The following FAT1 variants were observed in gnomAD, a reference collection of about 807,000 sequenced individuals.
FAT1 encodes the protein protocadherin Fat 1.
Under a neutral mutation model 329.8 loss-of-function variants are expected in FAT1, and 171 were observed. The ratio of observed to expected loss-of-function variants is 0.52; its 90% CI spans 0.46 to 0.59. The LOEUF is 0.59. Among genes scored for constraint, FAT1 ranks in the 20% least tolerant of loss-of-function variants. The pLI is 0.00. For synonymous variants in FAT1, 2,233 were observed against 2,228.6 expected (o/e 1.00, Z -0.06); for missense variants, 5,672 against 5,774.4 (o/e 0.98, Z 0.57).
chr4:186,623,402 C>T (rs1192869513), intron 9 of FAT1, among the ~76,000 whole-genome samples: 1 of 152,238 alleles, frequency 6.6e-6, no homozygotes, highest in Non-Finnish European at 1.5e-5. Context: ...TGACTGACTG[C>T]CTGGCCTGAC....
At chr4:186,645,945 C>CAAAAA (rs773581100) in intron 3 of FAT1, among the ~76,000 whole-genome samples, 3 of 58,222 alleles carry the variant, frequency 5.2e-5, no homozygotes, top group Admixed American at 2.0e-4. Flanking sequence ...GACTGTCTCA[C>CAAAAA]AAAAAAAAAA....
chr4:186,638,354 A>G (rs980996499), intron 4 of FAT1, among the ~76,000 whole-genome samples: 1 of 152,188 alleles, frequency 6.6e-6, no homozygotes, highest in Admixed American at 6.5e-5. Flanking sequence ...AAAGGACTGG[A>G]GCAAAATGTC....
intron 2 of FAT1, among the ~76,000 whole-genome samples, chr4:186,664,048 G>A (rs1223562635): frequency 2.0e-5 from 3 of 152,000 alleles, no homozygotes; most frequent in African/African-American, 7.3e-5. Flanking sequence ...AGGAAGACAG[G>A]GACAACACCA....
rs894960422 is a variant in FAT1 at position 186,599,461 on chromosome 4, G to C, written c.12103+437C>G. Among the ~76,000 whole-genome samples, 9 of 152,092 alleles carry C rather than the reference G, an allele frequency of 5.9e-5. No individual in the cohort carries two copies. The South Asian group carries it at 1.9e-3, about 32-fold the overall frequency. ...TGGCAACACTTCAGGAGGGATTCAGGGCCTTCTGGAAAATCATATTCCCAA... is the reference window on the plus strand; with the variant it reads ...TGGCAACACTTCAGGAGGGATTCAGCGCCTTCTGGAAAATCATATTCCCAA... On this transcript the variant is annotated intron_variant, in intron 22 of 26. Transcript: ENST00000441802.
intron 2 of FAT1, among the ~76,000 whole-genome samples, chr4:186,668,551 C>G (rs1742573962): frequency 6.6e-6 from 1 of 152,150 alleles, no homozygotes; most frequent in African/African-American, 2.4e-5. Context: ...TCATCACGAT[C>G]CAAACCATTC....
rs2126527787 is a variant in FAT1, at chr4:186,621,700, T to C, written c.4886A>G (p.Asn1629Ser). ...IKTAKELDRS[N>S]QAEYDLMVKA... ...TACCATTAAATCATACTCCGCTTGG[T>C]TACTTCGATCTAATTCTTTGGCAGT... Residue 1629 changes from asparagine to serine, a missense_variant, in exon 10 of 27, where the codon AAC (asparagine) becomes AGC (serine). By Grantham distance (46) the Asn-to-Ser change is conservative. Around this residue, in one of 2 missense-constraint regions of FAT1, gnomAD observed 3,966 missense variants for 3,915.2 expected, o/e 1.01. Coordinates refer to ENST00000441802, the MANE Select transcript of FAT1 (RefSeq NM_005245.4). 4 of 1,613,752 alleles carry C rather than the reference T, an allele frequency of 2.5e-6. No individual in the cohort carries two copies. Among genetic ancestry groups the C allele is most frequent in the Non-Finnish European group, 3.4e-6 (4 of 1,179,796 alleles).
intron 2 of FAT1, among the ~76,000 whole-genome samples, chr4:186,680,441 C>T (rs559796214): frequency 4.6e-5 from 7 of 152,268 alleles, no homozygotes; most frequent in African/African-American, 7.2e-5. Context: ...TAATTACACA[C>T]GACCGTTTCT....
At chr4:186,617,315 G>T in intron 10 of FAT1, 114 bp from the exon 11 acceptor site, 1 of 764,426 alleles carries the variant, frequency 1.3e-6, no homozygotes, top group Non-Finnish European at 1.9e-6. Context: ...AAAGAATTGA[G>T]TATTAAAAGA....
At chr4:186,604,081 G>C (rs1738973774) in intron 18 of FAT1, 104 bp from the exon 19 acceptor site, 14 of 853,208 alleles carry the variant, frequency 1.6e-5, no homozygotes, top group Non-Finnish European at 2.5e-5. Flanking sequence ...TTACTAACTG[G>C]TAGATACTCA....
chr4:186,704,104 CTACT>C (rs1744463224), intron 2 of FAT1, among the ~76,000 whole-genome samples: 1 of 152,206 alleles, frequency 6.6e-6, no homozygotes, highest in African/African-American at 2.4e-5. Context: ...CTACTGTACA[CTACT>C]TACTTTCTCT....
intron 2 of FAT1, among the ~76,000 whole-genome samples, chr4:186,675,472 A>C (rs1351234237): frequency 6.6e-6 from 1 of 152,120 alleles, no homozygotes; most frequent in Non-Finnish European, 1.5e-5. Flanking sequence ...AAAAGAAAGA[A>C]AAACCAGCCA....
intron 3 of FAT1, among the ~76,000 whole-genome samples, chr4:186,659,711 C>T (rs1215777618): frequency 6.6e-6 from 1 of 151,054 alleles, no homozygotes; most frequent in African/African-American, 2.4e-5. Flanking sequence ...CTGGGCGCTC[C>T]TGCACTCTAC....
At position 186,633,825 on chromosome 4, in the gene FAT1, TA is replaced by T; in HGVS notation, c.4184-3del. The stretch of plus-strand genomic sequence containing the variant: ...CGAAGTGACTGTCGTAGTTGCCACC[TA>T]ATTTGGGGAAAAAAAAGTAAAAACA... On this transcript the variant is annotated splice_polypyrimidine_tract_variant and splice_region_variant and intron_variant, in intron 6 of 26. Coordinates refer to ENST00000441802, the MANE Select transcript of FAT1 (RefSeq NM_005245.4). 3.1e-6 allele frequency: 5 copies of T among 1,613,954 alleles called. No individual in the cohort carries two copies. The highest frequency in any genetic ancestry group is 4.2e-6 in the Non-Finnish European group (5 of 1,179,864).
In FAT1 at chr4:186,628,295, C is replaced by A. The variant is rs2126542758; in HGVS notation, c.4669G>T (p.Asp1557Tyr). The A allele has an allele frequency of 1.2e-6, 2 of 1,613,622 alleles. No individual in the cohort carries two copies. Among genetic ancestry groups the A allele is most frequent in the South Asian group, 1.1e-5 (1 of 90,946 alleles). The change falls in exon 9 of 27, where the codon GAC becomes TAC. Residue 1557 changes from aspartate to tyrosine, a missense_variant. Physicochemically the swap from Asp to Tyr is radical, Grantham distance 160. This residue lies in a region of FAT1 where 3,966 missense variants were observed against 3,915.2 expected (regional missense o/e 1.01). Coordinates refer to ENST00000441802, the MANE Select transcript of FAT1 (RefSeq NM_005245.4). The stretch of plus-strand genomic sequence containing the variant: ...GAAGCGGTGAACCACGGGGCGTGGT[C>A]ATTCGTGTCGCTGACATTGACCACA... ...RIVVNVSDTN[D>Y]HAPWFTASSY...
At position 186,589,006 on chromosome 4, in the gene FAT1, T is replaced by G. The variant is rs759073897; in HGVS notation, c.13353A>C (p.Leu4451Phe). 3.1e-6 allele frequency: 5 copies of G among 1,613,942 alleles called. No homozygotes were observed. In the Admixed American group the frequency reaches 6.7e-5, roughly 22 times the overall value. The part of the protein sequence containing the change: ...DFPAADELPP[L>F]PPEFSNQFES... ...CAAACTGATTGCTGAATTCGGGCGGTAACGGTGGTAGCTCATCAGCTGCGG... is the reference window on the plus strand; with the variant it reads ...CAAACTGATTGCTGAATTCGGGCGGGAACGGTGGTAGCTCATCAGCTGCGG... Residue 4451 changes from leucine (L) to phenylalanine (F), a missense_variant, in exon 27 of 27, where the codon TTA (leucine) becomes TTC (phenylalanine). By Grantham distance (22) the Leu-to-Phe change is conservative. Around this residue, in one of 2 missense-constraint regions of FAT1, gnomAD observed 1,706 missense variants for 1,859.1 expected, o/e 0.92. Coordinates refer to ENST00000441802, the MANE Select transcript of FAT1 (RefSeq NM_005245.4).
intron 2 of FAT1, among the ~76,000 whole-genome samples, chr4:186,693,038 G>A (rs1388096652): frequency 6.6e-6 from 1 of 152,190 alleles, no homozygotes; most frequent in Non-Finnish European, 1.5e-5. Flanking sequence ...GGTATCTTCA[G>A]ACTTCAAGCA....
chr4:186,613,388 T>A lies in FAT1; in HGVS notation c.9230-46A>T, dbSNP rs2249926. The A allele has an allele frequency of 0.13, 181,582 of 1,413,946 alleles. 13,864 individuals carry two copies. Among genetic ancestry groups the A allele is most frequent in the East Asian group, 0.39 (17,060 of 43,868 alleles). 87.6% of individuals were successfully genotyped at this position (1,413,946 alleles called of 1,614,324 possible). A position where few individuals can be genotyped will look rare whatever the true frequency, so the allele number is the denominator to read the frequency against. ...ACTCACTTGTAATTTAAGACGTGACTTGCAGTTGTACATCTTATTTCCTCC... is the reference window on the plus strand; with the variant it reads ...ACTCACTTGTAATTTAAGACGTGACATGCAGTTGTACATCTTATTTCCTCC... On this transcript the variant is annotated intron_variant, in intron 12 of 26. Coordinates refer to ENST00000441802, the MANE Select transcript of FAT1 (RefSeq NM_005245.4).
At chr4:186,616,207 C>T (rs1269894037) in intron 11 of FAT1, among the ~76,000 whole-genome samples, 1 of 152,174 alleles carries the variant, frequency 6.6e-6, no homozygotes, top group Admixed American at 6.5e-5. Flanking sequence ...CTCATGTCAT[C>T]TCTACCTTAC....
Position 186,588,553 on chromosome 4 carries a change from A to G in FAT1, c.*39T>C, listed in dbSNP as rs2126345765. The stretch of plus-strand genomic sequence containing the variant: ...AGCGCGGATTACTCACATCACCTCT[A>G]GGTTCACTAAAGTCAGGCACTTTGG... On this transcript the variant is annotated 3_prime_UTR_variant, in exon 27 of 27. Transcript: ENST00000441802. 6.3e-7 allele frequency: 1 copy of G among 1,581,044 alleles called. No individual in the cohort carries two copies. Among genetic ancestry groups the G allele is most frequent in the Non-Finnish European group, 8.6e-7 (1 of 1,165,302 alleles).
Sources: allele counts gnomAD v4.1 joint callset (sites outside exome capture counted in the v4.1 genomes callset), GRCh38; gene constraint gnomAD v4.1.1; regional missense constraint gnomAD v4.1.1; transcripts MANE v1.5; gene names NCBI Gene and HGNC (gene_info 2026-07-23, HGNC 2026-07-21).